Variants in FRMD4B observed in about 807,000 individuals in gnomAD.
FRMD4B encodes FERM domain-containing protein 4B.
In FRMD4B, 74 loss-of-function variants were observed where a neutral mutation model predicts 141.5. The ratio of observed to expected loss-of-function variants is 0.52; its 90% CI spans 0.43 to 0.63. The LOEUF is 0.63. Ranked by LOEUF, FRMD4B falls within the 30% of genes least tolerant of loss-of-function variation. The pLI is 0.00. For missense variants in FRMD4B, 1,366 were observed against 1,253.4 expected (o/e 1.09, Z -1.36); for synonymous variants, 506 against 467.9 (o/e 1.08, Z -1.05).
chr3:69,177,486 C>T (rs1324275614), intron 21 of FRMD4B, among the ~76,000 whole-genome samples: 1 of 151,952 alleles, frequency 6.6e-6, no homozygotes, highest in Non-Finnish European at 1.5e-5. Context: ...CCCATCTCTG[C>T]AAAAAATACA....
At chr3:69,338,834 GAAAT>G (rs1395988413) in intron 1 of FRMD4B, among the ~76,000 whole-genome samples, 1 of 152,004 alleles carries the variant, frequency 6.6e-6, no homozygotes, top group Non-Finnish European at 1.5e-5. Context: ...CCCTGAAACT[GAAAT>G]AAAAGTTAAA....
rs111717095 is a variant in FRMD4B, at chr3:69,189,431, T to C, written c.1771+465A>G. Among the ~76,000 whole-genome samples the C allele has an allele frequency of 2.1e-3, 326 of 152,274 alleles. 3 individuals carry two copies. The highest frequency in any genetic ancestry group is 7.1e-3 in the African/African-American group (296 of 41,536). On this transcript the variant is annotated intron_variant, in intron 18 of 22. Transcript: ENST00000398540. ...TTCACATTGTAAAACATACAATGAT[T>C]TTATTTCATATTGTGATGAATACAG...
At chr3:69,518,309 T>G (rs924893440) in intron 1 of FRMD4B, among the ~76,000 whole-genome samples, 2 of 152,162 alleles carry the variant, frequency 1.3e-5, no homozygotes, top group Non-Finnish European at 2.9e-5. Flanking sequence ...ACATTGGACA[T>G]AGCTGATCAA....
At chr3:69,319,656 T>C (rs566010791) in intron 1 of FRMD4B, among the ~76,000 whole-genome samples, 4 of 152,170 alleles carry the variant, frequency 2.6e-5, no homozygotes, top group Non-Finnish European at 5.9e-5. Flanking sequence ...TTCCAGGTAT[T>C]GCACTAAGCA....
chr3:69,459,123 T>C (rs1010412359), intron 1 of FRMD4B, among the ~76,000 whole-genome samples: 2 of 152,358 alleles, frequency 1.3e-5, no homozygotes, highest in Middle Eastern at 3.4e-3. Flanking sequence ...TCCATGTTTA[T>C]GATCCACTGC....
At chr3:69,450,160 A>G (rs564316538) in intron 1 of FRMD4B, among the ~76,000 whole-genome samples, 218 of 152,314 alleles carry the variant, frequency 1.4e-3, no homozygotes, top group African/African-American at 4.9e-3. Flanking sequence ...GCAGACAATA[A>G]TCATTAGCCA....
At chr3:69,355,888 G>C (rs2107450669) in intron 1 of FRMD4B, among the ~76,000 whole-genome samples, 1 of 152,212 alleles carries the variant, frequency 6.6e-6, no homozygotes, top group Middle Eastern at 3.4e-3. Flanking sequence ...AGCCAGGTGT[G>C]GTGGCCGGCA....
intron 1 of FRMD4B, among the ~76,000 whole-genome samples, chr3:69,493,955 C>T (rs913593755): frequency 1.3e-5 from 2 of 152,286 alleles, no homozygotes; most frequent in South Asian, 2.1e-4. Flanking sequence ...TAGCTTGCTA[C>T]AGCCTCAAAC....
At chr3:69,506,452 T>C (rs1216143949) in intron 1 of FRMD4B, among the ~76,000 whole-genome samples, 1 of 152,146 alleles carries the variant, frequency 6.6e-6, no homozygotes, top group African/African-American at 2.4e-5. Flanking sequence ...AAAAAAAATC[T>C]TATTAAATAC....
Position 69,221,672 on chromosome 3 carries a change from T to C in FRMD4B, c.731+186A>G, listed in dbSNP as rs73835801. On this transcript the variant is annotated intron_variant, in intron 9 of 22. Coordinates refer to ENST00000398540, the MANE Select transcript of FRMD4B (RefSeq NM_015123.3). The stretch of plus-strand genomic sequence containing the variant: ...TCTCATTTTTTTACTTGCCTGACAC[T>C]GGTAGGTATCTGAGTTGGTGACACC... 1.6e-3 allele frequency among the ~76,000 whole-genome samples: 249 copies of C among 152,330 alleles called. 2 individuals carry two copies. The highest frequency in any genetic ancestry group is 5.8e-3 in the African/African-American group (239 of 41,564).
At chr3:69,405,232 C>T (rs1401068880) in intron 2 of FRMD4B, among the ~76,000 whole-genome samples, 1 of 152,204 alleles carries the variant, frequency 6.6e-6, no homozygotes, top group East Asian at 1.9e-4. Context: ...ACGTGTCATT[C>T]ATTCTGTTGA....
chr3:69,186,041 CAA>C (rs551712481), intron 19 of FRMD4B, among the ~76,000 whole-genome samples: 5 of 81,524 alleles, frequency 6.1e-5, no homozygotes, highest in Non-Finnish European at 2.6e-5. Context: ...GACTCTGTCT[CAA>C]AAAAAAAAAA....
At chr3:69,361,100 A>T (rs1461796849) in intron 1 of FRMD4B, among the ~76,000 whole-genome samples, 1 of 152,192 alleles carries the variant, frequency 6.6e-6, no homozygotes, top group East Asian at 1.9e-4. Context: ...GCATTTTGTC[A>T]TTATGAACAT....
chr3:69,256,111 G>GT (rs1400975245), intron 5 of FRMD4B, among the ~76,000 whole-genome samples: 1 of 151,870 alleles, frequency 6.6e-6, no homozygotes, highest in Admixed American at 6.6e-5. Context: ...AAAATAAAAG[G>GT]TTGGGGGGGA....
intron 10 of FRMD4B, among the ~76,000 whole-genome samples, chr3:69,217,651 G>A (rs1172891582): frequency 6.6e-6 from 1 of 151,944 alleles, no homozygotes; most frequent in Non-Finnish European, 1.5e-5. Context: ...AGTTAAATTG[G>A]TACCGATTTT....
At chr3:69,228,351 C>T (rs1325667530) in intron 7 of FRMD4B, 1 of 456,830 alleles carries the variant, frequency 2.2e-6, no homozygotes. Flanking sequence ...TATCTTGGGG[C>T]CAAGTGAGAC....
chr3:69,253,859 G>C (rs996614455), intron 5 of FRMD4B, among the ~76,000 whole-genome samples: 1 of 152,170 alleles, frequency 6.6e-6, no homozygotes, highest in Non-Finnish European at 1.5e-5. Context: ...AGGCTGAGGT[G>C]GGGGCACTGC....
chr3:69,249,151 G>T lies in FRMD4B; in HGVS notation c.581+75C>A. On this transcript the variant is annotated intron_variant, in intron 7 of 22. Transcript: ENST00000398540. ...ACTTTCCTTTGATTTTGTATCCATT[G>T]TTATTTAAAATAACCACATAAAATG... 3 of 914,614 alleles carry T rather than the reference G, an allele frequency of 3.3e-6. No individual in the cohort carries two copies. In the East Asian group the frequency reaches 7.8e-5, roughly 24 times the overall value. 56.7% of individuals were successfully genotyped at this position (914,614 alleles called of 1,614,324 possible). A position where few individuals can be genotyped will look rare whatever the true frequency, so the allele number is the denominator to read the frequency against.
chr3:69,387,561 A>G (rs941253367), upstream of FRMD4B, among the ~76,000 whole-genome samples: 4 of 152,172 alleles, frequency 2.6e-5, no homozygotes, highest in East Asian at 3.8e-4. Context: ...TATCTATGCT[A>G]TTAAGTGGCA....
Sources: allele counts gnomAD v4.1 joint callset (sites outside exome capture counted in the v4.1 genomes callset), GRCh38; gene constraint gnomAD v4.1.1; transcripts MANE v1.5; gene names NCBI Gene and HGNC (gene_info 2026-07-23, HGNC 2026-07-21).